NTAN1: variants seen among roughly 807,000 people sequenced by gnomAD.
NTAN1 encodes the protein N-terminal asparagine amidase.
A neutral mutation model predicts 41.9 loss-of-function variants in NTAN1; 32 were observed. The ratio of observed to expected loss-of-function variants is 0.76; its 90% CI spans 0.58 to 1.03. The LOEUF (loss-of-function observed/expected upper bound fraction) is 1.03, where lower values mean the gene tolerates loss of function less well. Among genes scored for constraint, NTAN1 ranks in the 50% least tolerant of loss-of-function variants. NTAN1 has a pLI of 0.00. For synonymous variants in NTAN1, 140 were observed against 139.5 expected (o/e 1.00, Z -0.03); for missense variants, 377 against 377.5 (o/e 1.00, Z 0.01).
At chr16:15,041,884 A>G (rs1469808378) in intron 5 of NTAN1, among the ~76,000 whole-genome samples, 1 of 152,200 alleles carries the variant, frequency 6.6e-6, no homozygotes, top group Non-Finnish European at 1.5e-5. Context: ...AGATGGCCAC[A>G]TTCTCAGCCT....
chr16:15,049,651 C>G (rs1056513393), intron 1 of NTAN1, among the ~76,000 whole-genome samples: 2 of 152,126 alleles, frequency 1.3e-5, no homozygotes, highest in African/African-American at 4.8e-5. Context: ...GTATCAAACT[C>G]CTGGCCTCAA....
At chr16:15,039,367 G>A (rs915122623) in intron 8 of NTAN1, among the ~76,000 whole-genome samples, 2 of 152,064 alleles carry the variant, frequency 1.3e-5, no homozygotes, top group African/African-American at 4.8e-5. Context: ...GATTTCTTTG[G>A]GGTGGCCTGA....
At chr16:15,048,292 G>A (rs1248722158) in intron 1 of NTAN1, among the ~76,000 whole-genome samples, 193 bp from the exon 2 acceptor site, 1 of 152,190 alleles carries the variant, frequency 6.6e-6, no homozygotes, top group East Asian at 1.9e-4. Flanking sequence ...AAAACGATGC[G>A]GTTCTGCGCG....
Position 15,041,684 on chromosome 16 carries a change from G to A in NTAN1, c.434-8C>T. 1 of 1,602,716 alleles carries A rather than the reference G, an allele frequency of 6.2e-7. No individual in the cohort carries two copies. Among genetic ancestry groups the A allele is most frequent in the Non-Finnish European group, 8.5e-7 (1 of 1,169,686 alleles). On this transcript the variant is annotated splice_polypyrimidine_tract_variant and splice_region_variant and intron_variant, in intron 5 of 9. Coordinates refer to ENST00000287706, the MANE Select transcript of NTAN1 (RefSeq NM_173474.4). ...CTTGCCTGTCAAATTCACCTATGAT[G>A]AGAATTTTAAGACCAGAAGTCAGAA... is the stretch of plus-strand genomic sequence containing the variant.
At chr16:15,046,277 C>T (rs143712165) in intron 4 of NTAN1, among the ~76,000 whole-genome samples, 43 of 152,308 alleles carry the variant, frequency 2.8e-4, no homozygotes, top group African/African-American at 9.6e-4. Flanking sequence ...TTTTTAGACT[C>T]CTAGGATTAA....
At chr16:15,038,423 T>A in intron 9 of NTAN1, 151 bp downstream of exon 9, 1 of 625,832 alleles carries the variant, frequency 1.6e-6, no homozygotes, top group Non-Finnish European at 2.8e-6. Context: ...CCATTTGATA[T>A]ACAAGTTAAA....
At chr16:15,044,453 T>TCAGAGGCCAGAA in intron 4 of NTAN1, 46 bp from the exon 5 acceptor site, 1 of 1,210,122 alleles carries the variant, frequency 8.3e-7, no homozygotes, top group Non-Finnish European at 1.2e-6. Flanking sequence ...AAGACACCGG[T>TCAGAGGCCAGAA]GCGTGCGCTG....
chr16:15,053,083 T>G (rs1368340148), intron 1 of NTAN1, among the ~76,000 whole-genome samples: 1 of 149,622 alleles, frequency 6.7e-6, no homozygotes, highest in Non-Finnish European at 1.5e-5. Flanking sequence ...ATGTGGCTAC[T>G]GCAACTGAGG....
At position 15,047,253 on chromosome 16, in the gene NTAN1, C is replaced by A. The variant is rs752810062; in HGVS notation, c.359+189G>T. On this transcript the variant is annotated intron_variant, in intron 4 of 9. Transcript: ENST00000287706. The stretch of plus-strand genomic sequence containing the variant: ...ATCCAGCACAGACTCCTTGCCTGTG[C>A]CCAGCACCCACTCATTCACTCAACC... The A allele has an allele frequency of 2.3e-5, 14 of 596,724 alleles. No homozygotes were observed. In the East Asian group the frequency reaches 3.9e-4, roughly 17 times the overall value. The allele number at this position is 596,724 out of a possible 1,614,324, so 37.0% of individuals were successfully genotyped here.
At chr16:15,054,194 C>G (rs2044408004) in intron 1 of NTAN1, among the ~76,000 whole-genome samples, 2 of 152,238 alleles carry the variant, frequency 1.3e-5, no homozygotes, top group South Asian at 4.1e-4. Context: ...TCAAATCTCT[C>G]TCGTGCCTGC....
intron 1 of NTAN1, among the ~76,000 whole-genome samples, chr16:15,048,651 T>A (rs1050629720): frequency 6.6e-6 from 1 of 152,166 alleles, no homozygotes; most frequent in African/African-American, 2.4e-5. Flanking sequence ...TGAGACAGTC[T>A]CTCACTCTGT....
At chr16:15,048,302 G>C (rs531722625) in intron 1 of NTAN1, among the ~76,000 whole-genome samples, 1 of 152,212 alleles carries the variant, frequency 6.6e-6, no homozygotes. Flanking sequence ...GGTTCTGCGC[G>C]GTGGTTTTTT....
intron 1 of NTAN1, among the ~76,000 whole-genome samples, chr16:15,050,066 T>C (rs568585287): frequency 1.3e-5 from 2 of 152,324 alleles, no homozygotes; most frequent in East Asian, 1.9e-4. Context: ...TTCTATCACA[T>C]AGTTATTGTT....
At position 15,055,953 on chromosome 16, in the gene NTAN1, C is replaced by G; in HGVS notation, c.19G>C (p.Gly7Arg). The G allele has an allele frequency of 8.1e-7, 1 of 1,229,714 alleles. No homozygotes were observed. Among genetic ancestry groups the G allele is most frequent in the Non-Finnish European group, 1.0e-6 (1 of 985,776 alleles). The allele number at this position is 1,229,714 out of a possible 1,614,324, so 76.2% of individuals were successfully genotyped here. A position where few individuals can be genotyped will look rare whatever the true frequency, so the allele number is the denominator to read the frequency against. Residue 7 changes from glycine to arginine, a missense_variant, in exon 1 of 10, where the codon GGG becomes CGG. Transcript: ENST00000287706. MPLLVE[G>R]RRVRLPQSAG... Reference sequence around the variant, plus strand: ...GACTGCGGCAGCCGCACTCGCCGCCCCTCGACGAGCAGCGGCATCGCGGAG... The same window carrying G: ...GACTGCGGCAGCCGCACTCGCCGCCGCTCGACGAGCAGCGGCATCGCGGAG...
At chr16:15,041,954 C>T (rs925882965) in intron 5 of NTAN1, among the ~76,000 whole-genome samples, 4 of 152,156 alleles carry the variant, frequency 2.6e-5, no homozygotes, top group African/African-American at 4.8e-5. Context: ...GAGAGTTTTG[C>T]GGGGACCCAT....
At position 15,047,610 on chromosome 16, in the gene NTAN1, C is replaced by T. The variant is rs1044756931; in HGVS notation, c.251-60G>A. The T allele has an allele frequency of 5.7e-5, 70 of 1,230,028 alleles. No individual in the cohort carries two copies. In the South Asian group the frequency reaches 6.0e-4, roughly 11 times the overall value. The allele number at this position is 1,230,028 out of a possible 1,614,324, so 76.2% of individuals were successfully genotyped here. A position where few individuals can be genotyped will look rare whatever the true frequency, so the allele number is the denominator to read the frequency against. On this transcript the variant is annotated intron_variant, in intron 3 of 9. Transcript: ENST00000287706. ...CCTGATGCGAGTGCAGTGCGCAGGCCGAGACTCCGCCTGTCCCTCCGGACC... is the reference window on the plus strand; with the variant it reads ...CCTGATGCGAGTGCAGTGCGCAGGCTGAGACTCCGCCTGTCCCTCCGGACC...
At chr16:15,048,190 T>C in intron 1 of NTAN1, 91 bp from the exon 2 acceptor site, 2 of 821,914 alleles carry the variant, frequency 2.4e-6, no homozygotes, top group Middle Eastern at 6.9e-4. Context: ...GGGCTCTGCG[T>C]GGGCAGCACG....
chr16:15,055,234 G>C (rs2044459737), intron 1 of NTAN1, among the ~76,000 whole-genome samples: 1 of 152,152 alleles, frequency 6.6e-6, no homozygotes, highest in Non-Finnish European at 1.5e-5. Flanking sequence ...CTGCATAAGC[G>C]TGGACAAGAG....
chr16:15,043,033 T>C (rs1439819013), intron 5 of NTAN1, among the ~76,000 whole-genome samples: 1 of 151,988 alleles, frequency 6.6e-6, no homozygotes, highest in Non-Finnish European at 1.5e-5. Context: ...CCCAAGTAGC[T>C]GGGATTACAG....
Sources: gnomAD v4.1 joint callset for allele counts (sites outside exome capture counted in the v4.1 genomes callset) on GRCh38, gnomAD v4.1.1 for gene constraint, MANE v1.5 for transcripts, NCBI Gene and HGNC (gene_info 2026-07-23, HGNC 2026-07-21) for gene names.